Variants in ATRNL1 observed in about 807,000 individuals in gnomAD.
The protein encoded by ATRNL1 is attractin like 1, also known as attractin-like protein 1.
ATRNL1 carries 95 observed loss-of-function variants against 182.7 expected under a neutral mutation model. The ratio of observed to expected loss-of-function variants is 0.52; its 90% confidence interval spans 0.44 to 0.62. The LOEUF (loss-of-function observed/expected upper bound fraction) is 0.62, where lower values mean the gene tolerates loss of function less well. Ranked by LOEUF, ATRNL1 falls within the 20% of genes least tolerant of loss-of-function variation. The pLI, the probability that ATRNL1 is intolerant of heterozygous loss-of-function variation, is 0.00. For synonymous variants in ATRNL1, 576 were observed against 568.3 expected, an observed-to-expected ratio of 1.01 and a Z score of -0.19; for missense variants, 1,471 against 1,679.5, an observed-to-expected ratio of 0.88 and a Z score of 2.17.
chr10:115,221,620 C>G (rs1425004686), intron 9 of ATRNL1, among the ~76,000 whole-genome samples: 1 of 152,026 alleles, frequency 6.6e-6, no homozygotes, highest in Non-Finnish European at 1.5e-5. Context: ...TAATTTTAAC[C>G]TTGAGACAGT....
At chr10:115,927,078 C>G (rs1953258742) in intron 28 of ATRNL1, among the ~76,000 whole-genome samples, 1 of 152,094 alleles carries the variant, frequency 6.6e-6, no homozygotes, top group African/African-American at 2.4e-5. Flanking sequence ...ACGATCAAGT[C>G]AGCTTCATCC....
intron 18 of ATRNL1, among the ~76,000 whole-genome samples, chr10:115,317,265 A>T (rs1241051637): frequency 6.6e-6 from 1 of 152,196 alleles, no homozygotes; most frequent in South Asian, 2.1e-4. Flanking sequence ...GTTCTGTTCC[A>T]TTGGTCTACA....
chr10:115,413,272 T>A lies in ATRNL1; in HGVS notation c.3270-12978T>A, dbSNP rs189812355. On this transcript the variant is annotated intron_variant, in intron 20 of 28. Coordinates refer to ENST00000355044, the MANE Select transcript of ATRNL1 (RefSeq NM_207303.4). ...GCTAGCCTGTGAGGATCTTGGATTT[T>A]GAGTGGAAGTATAACAAGTAAGCCT... Among the ~76,000 whole-genome samples, 241 of 152,310 alleles carry A rather than the reference T, an allele frequency of 1.6e-3. 1 individual carries two copies. The highest frequency in any genetic ancestry group is 2.1e-3 in the Non-Finnish European group (143 of 68,006).
rs188312525 is a variant in ATRNL1 at position 115,538,078 on chromosome 10, C to T, written c.3717-11380C>T. 5.9e-5 allele frequency among the ~76,000 whole-genome samples: 9 copies of T among 152,254 alleles called. No individual in the cohort carries two copies. In the East Asian group the frequency reaches 1.7e-3, roughly 29 times the overall value. On this transcript the variant is annotated intron_variant, in intron 25 of 28. Transcript: ENST00000355044. ...GTAGTATTTCATTATATGGATATAT[C>T]ACACTTTGTTTATCCATTCACCCAT...
intron 19 of ATRNL1, among the ~76,000 whole-genome samples, chr10:115,371,078 C>A (rs1857370035): frequency 6.6e-6 from 1 of 152,144 alleles, no homozygotes; most frequent in Non-Finnish European, 1.5e-5. Flanking sequence ...TGGTATTGAG[C>A]CTGTGGGTAC....
At chr10:115,841,352 A>G (rs909580612) in intron 27 of ATRNL1, among the ~76,000 whole-genome samples, 9 of 152,270 alleles carry the variant, frequency 5.9e-5, no homozygotes, top group East Asian at 5.8e-4. Context: ...ATAGTATACT[A>G]TAAAGATAAT....
rs957110285 is a variant in ATRNL1, at chr10:115,885,709, T to G, written c.4018+37718T>G. ...ACTGTATCTACATATATATGTATAC[T>G]TCTTGCGACCTGCATTTTAGAAGCG... is the stretch of plus-strand genomic sequence containing the variant. On this transcript the variant is annotated intron_variant, in intron 28 of 28. Coordinates refer to ENST00000355044, the MANE Select transcript of ATRNL1 (RefSeq NM_207303.4). Among the ~76,000 whole-genome samples the G allele has an allele frequency of 1.9e-4, 29 of 152,344 alleles. No individual in the cohort carries two copies. The East Asian group carries it at 1.9e-3, about 10-fold the overall frequency.
intron 1 of ATRNL1, among the ~76,000 whole-genome samples, chr10:115,114,608 A>G (rs1053921809): frequency 6.6e-6 from 1 of 152,188 alleles, no homozygotes; most frequent in Admixed American, 6.5e-5. Flanking sequence ...TCAAAAGAAA[A>G]CATACAAAAG....
intron 18 of ATRNL1, among the ~76,000 whole-genome samples, chr10:115,328,841 ACTTT>A (rs1234152577): frequency 2.0e-5 from 3 of 151,954 alleles, no homozygotes; most frequent in Non-Finnish European, 4.4e-5. Flanking sequence ...GTTTATTCAC[ACTTT>A]CTTTATCCAT....
At chr10:115,523,026 C>T (rs1851026688) in intron 25 of ATRNL1, among the ~76,000 whole-genome samples, 1 of 152,198 alleles carries the variant, frequency 6.6e-6, no homozygotes, top group African/African-American at 2.4e-5. Context: ...CTCAGCATTG[C>T]CTCACTAGCA....
At chr10:115,462,377 G>T (rs1284498843) in intron 22 of ATRNL1, among the ~76,000 whole-genome samples, 11 of 152,032 alleles carry the variant, frequency 7.2e-5, no homozygotes, top group African/African-American at 2.7e-4. Flanking sequence ...ACTTTGGGAG[G>T]CCAAGGCGGG....
chr10:115,526,382 G>A (rs1407388929), intron 25 of ATRNL1, among the ~76,000 whole-genome samples: 1 of 152,110 alleles, frequency 6.6e-6, no homozygotes, highest in African/African-American at 2.4e-5. Flanking sequence ...GCCAGTAAAT[G>A]GTTTGTTAAT....
Position 115,719,854 on chromosome 10 carries a change from AC to A in ATRNL1, c.3796-7393del, listed in dbSNP as rs782767736. On this transcript the variant is annotated intron_variant, in intron 26 of 28. Transcript: ENST00000355044. ...TTGGTAAAATTCTATCCACCCCCCC[AC>A]ACACTCTTTTTTTTTTTTTTTTTGA... Among the ~76,000 whole-genome samples, 601 of 138,290 alleles carry A rather than the reference AC, an allele frequency of 4.3e-3. 2 individuals carry two copies. Among genetic ancestry groups the A allele is most frequent in the African/African-American group, 9.8e-3 (374 of 38,300 alleles). The allele number at this position is 138,290 out of a possible 152,430, so 90.7% of individuals were successfully genotyped here.
At chr10:115,683,031 T>G (rs1275802467) in intron 26 of ATRNL1, among the ~76,000 whole-genome samples, 4 of 152,112 alleles carry the variant, frequency 2.6e-5, no homozygotes, top group Non-Finnish European at 5.9e-5. Flanking sequence ...TCAAAAACTT[T>G]TCTCATAAGG....
chr10:115,356,075 C>A (rs1276128461), intron 19 of ATRNL1, among the ~76,000 whole-genome samples: 1 of 152,104 alleles, frequency 6.6e-6, no homozygotes, highest in Non-Finnish European at 1.5e-5. Context: ...GTGACCCAAA[C>A]ATTCTCTGAG....
Position 115,874,273 on chromosome 10 carries a change from C to A in ATRNL1, c.4018+26282C>A, listed in dbSNP as rs1364595569. Among the ~76,000 whole-genome samples the A allele has an allele frequency of 2.6e-5, 4 of 152,294 alleles. No individual in the cohort carries two copies. The South Asian group carries it at 8.3e-4, about 32-fold the overall frequency. On this transcript the variant is annotated intron_variant, in intron 28 of 28. Coordinates refer to ENST00000355044, the MANE Select transcript of ATRNL1 (RefSeq NM_207303.4). Reference sequence around the variant, plus strand: ...AGCTCACTGGACTGAGTCCTTTCAGCTTGAAGCTGACCTCCCTGATTGCCC... The same window carrying A: ...AGCTCACTGGACTGAGTCCTTTCAGATTGAAGCTGACCTCCCTGATTGCCC...
intron 27 of ATRNL1, among the ~76,000 whole-genome samples, chr10:115,823,020 C>T (rs555672899): frequency 2.0e-5 from 3 of 152,142 alleles, no homozygotes; most frequent in African/African-American, 7.2e-5. Flanking sequence ...AACATCAATG[C>T]GAAAATCCTC....
In ATRNL1 at chr10:115,721,161, T is replaced by TA. The variant is rs1437048514; in HGVS notation, c.3796-6082dup. On this transcript the variant is annotated intron_variant, in intron 26 of 28. Coordinates refer to ENST00000355044, the MANE Select transcript of ATRNL1 (RefSeq NM_207303.4). ...GGTTCTGTGAGGTTCCTGCCAGGTCTAAAAATCTGTGGAGATTGTGTCTTG... is the reference window on the plus strand; with the variant it reads ...GGTTCTGTGAGGTTCCTGCCAGGTCTAAAAAATCTGTGGAGATTGTGTCTTG... Among the ~76,000 whole-genome samples, 8 of 152,166 alleles carry TA rather than the reference T, an allele frequency of 5.3e-5. No individual in the cohort carries two copies. In the South Asian group the frequency reaches 1.7e-3, roughly 32 times the overall value.
At chr10:115,481,167 T>C (rs1425404042) in intron 24 of ATRNL1, among the ~76,000 whole-genome samples, 1 of 150,326 alleles carries the variant, frequency 6.7e-6, no homozygotes, top group East Asian at 1.9e-4. Flanking sequence ...ACTACCCTGG[T>C]TTTTATATAA....
Sources: allele counts gnomAD v4.1 joint callset (sites outside exome capture counted in the v4.1 genomes callset), GRCh38; gene constraint gnomAD v4.1.1; transcripts MANE v1.5; gene names NCBI Gene and HGNC (gene_info 2026-07-23, HGNC 2026-07-21).